The following GPR55 variants were observed in gnomAD, a reference collection of about 807,000 sequenced individuals.
GPR55 encodes the protein G protein-coupled receptor 55.
GPR55 carries 6 observed loss-of-function variants against 7.9 expected under a neutral mutation model. That is an observed-to-expected ratio of 0.76 (90% CI 0.41 to 1.49). GPR55 has a LOEUF of 1.49. GPR55 is among the 40% of genes most tolerant of loss of function. The probability of loss-of-function intolerance (pLI) is 0.01; values close to 1 mark genes in which losing one functional copy is unlikely to be tolerated. For missense variants in GPR55, 376 were observed against 406.0 expected, an observed-to-expected ratio of 0.93 and a Z score of 0.63; for synonymous variants, 183 against 166.8, an observed-to-expected ratio of 1.10 and a Z score of -0.75.
chr2:230,919,742 A>C (rs186337123), intron 1 of GPR55, among the ~76,000 whole-genome samples: 2 of 152,300 alleles, frequency 1.3e-5, no homozygotes, highest in East Asian at 3.9e-4. Context: ...TTTTCTTCTT[A>C]TTCTTCTTTG....
At chr2:230,931,040 C>A (rs979954197) in intron 1 of GPR55, among the ~76,000 whole-genome samples, 2 of 152,200 alleles carry the variant, frequency 1.3e-5, no homozygotes, top group Non-Finnish European at 2.9e-5. Context: ...GCCACTCCCC[C>A]GGGAACTGTG....
chr2:230,952,091 G>C (rs969143950), intron 1 of GPR55, among the ~76,000 whole-genome samples: 2 of 152,022 alleles, frequency 1.3e-5, no homozygotes, highest in African/African-American at 2.4e-5. Flanking sequence ...GGAGAGGGAG[G>C]GGGGGTTACT....
At chr2:230,919,985 GA>G (rs200407134) in intron 1 of GPR55, among the ~76,000 whole-genome samples, 159 of 142,736 alleles carry the variant, frequency 1.1e-3, no homozygotes, top group South Asian at 7.7e-3. Context: ...GCATAGAGGG[GA>G]AAAAAAAAAA....
At chr2:230,933,443 G>A (rs952147269) in intron 1 of GPR55, among the ~76,000 whole-genome samples, 7 of 152,208 alleles carry the variant, frequency 4.6e-5, no homozygotes, top group African/African-American at 1.7e-4. Flanking sequence ...GCAGCCCATG[G>A]TGTGCAGCTG....
At chr2:230,915,841 TG>T (rs57784831) in intron 1 of GPR55, among the ~76,000 whole-genome samples, 77,758 of 152,078 alleles carry the variant, frequency 0.51, 22,859 homozygotes, top group African/African-American at 0.83. Flanking sequence ...GGCGTTCTTC[TG>T]GTTGGAAGAA....
intron 1 of GPR55, among the ~76,000 whole-genome samples, chr2:230,946,127 C>G (rs1353775390): frequency 6.6e-6 from 1 of 152,170 alleles, no homozygotes; most frequent in Non-Finnish European, 1.5e-5. Context: ...ACACATACTG[C>G]ATGACCTCAC....
chr2:230,954,834 T>C (rs544205757), intron 1 of GPR55, among the ~76,000 whole-genome samples: 5 of 152,242 alleles, frequency 3.3e-5, no homozygotes, highest in Non-Finnish European at 7.3e-5. Flanking sequence ...AATTCAAAGT[T>C]AGCAAATATG....
In GPR55 at chr2:230,939,055, A is replaced by T. The variant is rs10183500; in HGVS notation, c.-135+21720T>A. On this transcript the variant is annotated intron_variant, in intron 1 of 1. Transcript: ENST00000392039. ...CGTGTGGCCAGTTCTCGAGATGGAG[A>T]CTGAAGAGGCCGACTAGCCAACAAT... 7.6e-3 allele frequency among the ~76,000 whole-genome samples: 1,157 copies of T among 152,290 alleles called. 9 individuals are homozygous for T. Among genetic ancestry groups the T allele is most frequent in the African/African-American group, 0.025 (1,052 of 41,558 alleles).
chr2:230,942,888 C>A lies in GPR55; in HGVS notation c.-135+17887G>T, dbSNP rs116807824. Among the ~76,000 whole-genome samples, 1,276 of 152,208 alleles carry A rather than the reference C, an allele frequency of 8.4e-3. 23 individuals are homozygous for A. Among genetic ancestry groups the A allele is most frequent in the African/African-American group, 0.029 (1,222 of 41,512 alleles). The stretch of plus-strand genomic sequence containing the variant: ...CAGGCTAGGGAGAGCTGGGTGAAAG[C>A]AGACCAATTTTTCCTTCATCATTGC... On this transcript the variant is annotated intron_variant, in intron 1 of 1. Transcript: ENST00000392039.
chr2:230,958,096 A>G lies in GPR55; in HGVS notation c.-135+2679T>C, dbSNP rs1031160094. ...GTAATAAATAAAGAAAGAAAGGAAG[A>G]AAATTTTTGAATTATTTGTGGAGTT... On this transcript the variant is annotated intron_variant, in intron 1 of 1. Transcript: ENST00000392039. 1.1e-5 allele frequency: 3 copies of G among 264,502 alleles called. No homozygotes were observed. The East Asian group carries it at 3.2e-4, about 29-fold the overall frequency. 16.4% of individuals were successfully genotyped at this position (264,502 alleles called of 1,614,324 possible).
At chr2:230,935,861 G>A (rs941456774) in intron 1 of GPR55, among the ~76,000 whole-genome samples, 1 of 152,240 alleles carries the variant, frequency 6.6e-6, no homozygotes, top group Non-Finnish European at 1.5e-5. Context: ...GTGCTCCAAT[G>A]AGCATTTTCC....
intron 1 of GPR55, among the ~76,000 whole-genome samples, chr2:230,940,259 C>G (rs1182116275): frequency 6.6e-6 from 1 of 152,146 alleles, no homozygotes; most frequent in Non-Finnish European, 1.5e-5. Flanking sequence ...CTTACACAGC[C>G]ACCTCCCTCC....
At position 230,923,771 on chromosome 2, in the gene GPR55, C is replaced by T. The variant is rs1690891481; in HGVS notation, c.-135+1397G>A. ...GTAAGGCTTAGAGATGTTAAAGATT[C>T]TACCCAAGGTCAAAAAGGCCGTGAG... On this transcript the variant is annotated intron_variant, in intron 1 of 1. Coordinates refer to ENST00000650999, the MANE Select transcript of GPR55 (RefSeq NM_005683.4). The surrounding 1 kb of genome is among the most constrained non-coding windows in gnomAD (Gnocchi z 4.1). Among the ~76,000 whole-genome samples, 1 of 152,150 alleles carries T rather than the reference C, an allele frequency of 6.6e-6. No homozygotes were observed. Among genetic ancestry groups the T allele is most frequent in the Admixed American group, 6.5e-5 (1 of 15,272 alleles).
intron 1 of GPR55, among the ~76,000 whole-genome samples, chr2:230,915,576 GA>G (rs1690692606): frequency 6.6e-6 from 1 of 152,186 alleles, no homozygotes; most frequent in Admixed American, 6.5e-5. Flanking sequence ...GGGCTGAATT[GA>G]ACCGTGGAGT....
rs574937798 is a variant in GPR55 at position 230,950,500 on chromosome 2, A to G, written c.-135+10275T>C. 1.4e-4 allele frequency among the ~76,000 whole-genome samples: 21 copies of G among 152,306 alleles called. No individual in the cohort carries two copies. In the East Asian group the frequency reaches 1.5e-3, roughly 11 times the overall value. On this transcript the variant is annotated intron_variant, in intron 1 of 1. Transcript: ENST00000392039. Reference sequence around the variant, plus strand: ...CACTCCAGCCTCAGACCTCATAACGAGAGCTGCACAGATAAGGAAACCTTC... The same window carrying G: ...CACTCCAGCCTCAGACCTCATAACGGGAGCTGCACAGATAAGGAAACCTTC...
intron 1 of GPR55, among the ~76,000 whole-genome samples, chr2:230,947,617 C>T (rs1691339892): frequency 6.6e-6 from 1 of 151,692 alleles, no homozygotes; most frequent in Admixed American, 6.6e-5. Context: ...AATCCTCGTG[C>T]CTCAGCCTCC....
intron 1 of GPR55, among the ~76,000 whole-genome samples, chr2:230,922,311 G>A (rs55740360): frequency 0.064 from 9,708 of 152,090 alleles, 754 homozygotes; most frequent in African/African-American, 0.19. Flanking sequence ...GGGGGTTTCC[G>A]TCTCATTTCT....
chr2:230,960,498 A>G (rs2125073713), intron 1 of GPR55, among the ~76,000 whole-genome samples: 1 of 149,608 alleles, frequency 6.7e-6, no homozygotes, highest in East Asian at 1.9e-4. Context: ...TTAGCAAGGA[A>G]AAAAAAATAC....
At chr2:230,933,871 G>T (rs1015160142) in intron 1 of GPR55, among the ~76,000 whole-genome samples, 3 of 152,158 alleles carry the variant, frequency 2.0e-5, no homozygotes, top group African/African-American at 7.2e-5. Flanking sequence ...GGATGTGTCC[G>T]CTAGGAGAGG....
Sources: allele counts gnomAD v4.1 joint callset (sites outside exome capture counted in the v4.1 genomes callset), GRCh38; gene constraint gnomAD v4.1.1; non-coding constraint Gnocchi (gnomAD v3.1); transcripts MANE v1.5; gene names NCBI Gene and HGNC (gene_info 2026-07-23, HGNC 2026-07-21).